Variants in GPHN observed in about 807,000 individuals in gnomAD.
GPHN encodes the protein gephyrin.
GPHN carries 17 observed loss-of-function variants against 95.5 expected under a neutral mutation model. The observed-to-expected ratio is 0.18, with a 90% CI of 0.12 to 0.27. GPHN has a LOEUF of 0.27. Ranked by LOEUF, GPHN falls within the 10% of genes least tolerant of loss-of-function variation. The probability of loss-of-function intolerance (pLI) is 1.00; values close to 1 mark genes in which losing one functional copy is unlikely to be tolerated. For synonymous variants in GPHN, 320 were observed against 322.5 expected (o/e 0.99, Z 0.08); for missense variants, 660 against 978.1 (o/e 0.67, Z 4.34).
chr14:67,228,053 C>T, the GPHN span, among the ~76,000 whole-genome samples: 9 of 151,786 alleles, frequency 5.9e-5, no homozygotes, highest in African/African-American at 2.2e-4. Flanking sequence ...ACCTGTAATC[C>T]TAGCTACTCA....
intron 20 of GPHN, among the ~76,000 whole-genome samples, chr14:67,165,923 G>T (rs1350545866): frequency 6.6e-6 from 1 of 152,176 alleles, no homozygotes; most frequent in Non-Finnish European, 1.5e-5. Flanking sequence ...GGTGAATCTT[G>T]ATAAATTTTA....
the GPHN span, among the ~76,000 whole-genome samples, chr14:67,559,346 G>T: frequency 6.6e-6 from 1 of 152,140 alleles, no homozygotes; most frequent in Non-Finnish European, 1.5e-5. Flanking sequence ...GCATATGGAG[G>T]CACAGCGTTC....
At chr14:67,319,015 G>A in the GPHN span, among the ~76,000 whole-genome samples, 3 of 150,682 alleles carry the variant, frequency 2.0e-5, no homozygotes, top group Non-Finnish European at 2.9e-5. Context: ...CCGAGATCGC[G>A]CCACTGCACT....
the GPHN span, among the ~76,000 whole-genome samples, chr14:67,211,581 TA>T: frequency 6.6e-6 from 1 of 152,196 alleles, no homozygotes; most frequent in African/African-American, 2.4e-5. Flanking sequence ...AGACTTAAAG[TA>T]AAAATTATTT....
intron 9 of GPHN, among the ~76,000 whole-genome samples, chr14:66,998,832 T>G (rs1055797394): frequency 1.3e-5 from 2 of 150,158 alleles, no homozygotes; most frequent in African/African-American, 4.9e-5. Context: ...AGCTGGCTGA[T>G]ACTATTTAGC....
At chr14:67,350,138 T>C in the GPHN span, among the ~76,000 whole-genome samples, 1 of 152,208 alleles carries the variant, frequency 6.6e-6, no homozygotes, top group Non-Finnish European at 1.5e-5. Flanking sequence ...TTTACTGATG[T>C]CACCAAAGCC....
At chr14:67,513,658 C>T in the GPHN span, among the ~76,000 whole-genome samples, 1 of 152,150 alleles carries the variant, frequency 6.6e-6, no homozygotes, top group East Asian at 1.9e-4. Flanking sequence ...CCACCCTGGC[C>T]CAACCTACTT....
chr14:66,539,303 G>T (rs2059259945), intron 1 of GPHN, among the ~76,000 whole-genome samples: 1 of 151,694 alleles, frequency 6.6e-6, no homozygotes, highest in South Asian at 2.1e-4. Context: ...ACGTCTCCCA[G>T]CCTCCTTCAT....
At chr14:66,663,343 A>G (rs925615161) in intron 1 of GPHN, among the ~76,000 whole-genome samples, 1 of 152,196 alleles carries the variant, frequency 6.6e-6, no homozygotes, top group Admixed American at 6.5e-5. Context: ...AAAAAGAAAA[A>G]TTCCAGCCCA....
intron 1 of GPHN, among the ~76,000 whole-genome samples, chr14:66,629,706 C>T (rs1441533153): frequency 6.6e-6 from 1 of 152,054 alleles, no homozygotes; most frequent in Non-Finnish European, 1.5e-5. Flanking sequence ...TGTAGGAATG[C>T]CTTTTACTGC....
intron 8 of GPHN, among the ~76,000 whole-genome samples, chr14:66,940,977 T>G (rs1861779059): frequency 6.6e-6 from 1 of 152,194 alleles, no homozygotes. Context: ...TTAGCTCCCT[T>G]GGTCTTACTT....
At chr14:66,652,750 C>T (rs1308391868) in intron 1 of GPHN, among the ~76,000 whole-genome samples, 3 of 152,024 alleles carry the variant, frequency 2.0e-5, no homozygotes, top group Non-Finnish European at 2.9e-5. Context: ...GCCTTGTGAG[C>T]GGTTGGCAGA....
chr14:66,703,273 A>G (rs1413639071), intron 2 of GPHN, among the ~76,000 whole-genome samples: 1 of 152,186 alleles, frequency 6.6e-6, no homozygotes. Context: ...ACAGGCCAAC[A>G]TGCAAATTCA....
At chr14:67,238,272 T>TC in the GPHN span, among the ~76,000 whole-genome samples, 22,394 of 147,516 alleles carry the variant, frequency 0.15, 3,235 homozygotes, top group East Asian at 0.42. Context: ...TTGCTTTCTT[T>TC]TTTTTTTTTT....
chr14:67,025,986 C>G (rs2073904233), intron 10 of GPHN, among the ~76,000 whole-genome samples: 1 of 152,208 alleles, frequency 6.6e-6, no homozygotes, highest in Non-Finnish European at 1.5e-5. Context: ...GACCAAACTT[C>G]AAAATCTCAT....
the GPHN span, among the ~76,000 whole-genome samples, chr14:67,552,538 T>C: frequency 0.63 from 96,250 of 151,880 alleles, 30,666 homozygotes; most frequent in Non-Finnish European, 0.65. Context: ...GAGGCCGAGG[T>C]GGGCGGATCA....
At chr14:67,024,912 G>T (rs1029414531) in intron 10 of GPHN, among the ~76,000 whole-genome samples, 2 of 151,948 alleles carry the variant, frequency 1.3e-5, no homozygotes, top group East Asian at 3.9e-4. Context: ...TTGTAAATCT[G>T]TTATCTTAGC....
chr14:67,626,028 C>A, the GPHN span, among the ~76,000 whole-genome samples: 7 of 152,160 alleles, frequency 4.6e-5, no homozygotes, highest in East Asian at 1.4e-3. Flanking sequence ...CTGAGGCGGG[C>A]AGATCATTTC....
chr14:66,748,438 TGC>T (rs1305335846), intron 2 of GPHN, among the ~76,000 whole-genome samples: 1 of 151,998 alleles, frequency 6.6e-6, no homozygotes, highest in Non-Finnish European at 1.5e-5. Flanking sequence ...ATATACCCCC[TGC>T]ACCCTTACAT....
Sources: gnomAD v4.1 joint callset for allele counts (sites outside exome capture counted in the v4.1 genomes callset) on GRCh38, gnomAD v4.1.1 for gene constraint, MANE v1.5 for transcripts, NCBI Gene and HGNC (gene_info 2026-07-23, HGNC 2026-07-21) for gene names.